The following ARHGAP44 variants were observed in gnomAD, a reference collection of about 807,000 sequenced individuals.
The protein encoded by ARHGAP44 is rho GTPase-activating protein 44.
Under a neutral mutation model 106.8 loss-of-function variants are expected in ARHGAP44, and 43 were observed. The ratio of observed to expected loss-of-function variants is 0.40; its 90% CI spans 0.32 to 0.52. ARHGAP44 has a LOEUF of 0.52. ARHGAP44 is among the 20% of genes least tolerant of loss of function. The probability of loss-of-function intolerance (pLI) is 0.48; values close to 1 mark genes in which losing one functional copy is unlikely to be tolerated. For missense variants in ARHGAP44, 866 were observed against 1,050.5 expected (o/e 0.82, Z 2.43); for synonymous variants, 439 against 410.3 (o/e 1.07, Z -0.85).
At chr17:12,822,734 C>T (rs1424644241) in intron 1 of ARHGAP44, among the ~76,000 whole-genome samples, 1 of 152,180 alleles carries the variant, frequency 6.6e-6, no homozygotes, top group Non-Finnish European at 1.5e-5. Context: ...CTCCTGGCTG[C>T]CCTCCTTGCC....
At chr17:12,982,208 C>T (rs1206455249) in intron 19 of ARHGAP44, among the ~76,000 whole-genome samples, 1 of 152,146 alleles carries the variant, frequency 6.6e-6, no homozygotes, top group African/African-American at 2.4e-5. Flanking sequence ...TGACTCAGGT[C>T]CCTTTCCCAA....
intron 1 of ARHGAP44, among the ~76,000 whole-genome samples, chr17:12,808,761 G>T (rs944597696): frequency 1.3e-5 from 2 of 152,144 alleles, no homozygotes; most frequent in African/African-American, 4.8e-5. Flanking sequence ...TTAAGATTTG[G>T]CTCCTCGTTA....
At chr17:12,826,197 G>A (rs1390290364) in intron 1 of ARHGAP44, among the ~76,000 whole-genome samples, 1 of 152,118 alleles carries the variant, frequency 6.6e-6, no homozygotes, top group Non-Finnish European at 1.5e-5. Context: ...CCCAGTACTC[G>A]TTAGGTATTT....
chr17:12,916,446 C>T (rs1305126562), intron 5 of ARHGAP44, among the ~76,000 whole-genome samples: 2 of 152,128 alleles, frequency 1.3e-5, no homozygotes, highest in Admixed American at 6.5e-5. Context: ...TGCAGTGGTA[C>T]GATCATGGTT....
intron 3 of ARHGAP44, among the ~76,000 whole-genome samples, chr17:12,905,281 A>G (rs2037514686): frequency 6.6e-6 from 1 of 152,146 alleles, no homozygotes; most frequent in African/African-American, 2.4e-5. Flanking sequence ...TAAAAAGCAT[A>G]TCCCTTAAGA....
In ARHGAP44 at chr17:12,985,295, A is replaced by G. The variant is rs559813318; in HGVS notation, c.2317+387A>G. The G allele has an allele frequency of 8.4e-4, 157 of 186,066 alleles. 1 individual carries two copies. The highest frequency in any genetic ancestry group is 3.4e-3 in the African/African-American group (148 of 42,960). 11.5% of individuals were successfully genotyped at this position (186,066 alleles called of 1,614,324 possible). The stretch of plus-strand genomic sequence containing the variant: ...CCTGGATAGAGCCCAAGCAACTGAC[A>G]GGTATAAATGCTTATCTGGAGAACA... On this transcript the variant is annotated intron_variant, in intron 20 of 20. Coordinates refer to ENST00000379672, the MANE Select transcript of ARHGAP44 (RefSeq NM_014859.6).
At chr17:12,913,798 T>G (rs1598044333) in intron 4 of ARHGAP44, among the ~76,000 whole-genome samples, 1 of 151,002 alleles carries the variant, frequency 6.6e-6, no homozygotes, top group Non-Finnish European at 1.5e-5. Context: ...TGAAACCCTG[T>G]CTCTACTAAA....
chr17:12,826,149 G>T (rs997201810), intron 1 of ARHGAP44, among the ~76,000 whole-genome samples: 10 of 152,110 alleles, frequency 6.6e-5, no homozygotes, highest in African/African-American at 2.4e-4. Flanking sequence ...GTGTCCTGGG[G>T]TGGTTTGTAC....
intron 1 of ARHGAP44, among the ~76,000 whole-genome samples, chr17:12,860,434 T>C (rs1567653857): frequency 6.6e-6 from 1 of 152,192 alleles, no homozygotes; most frequent in African/African-American, 2.4e-5. Flanking sequence ...TATTGGTGTT[T>C]CCTCTTTCTT....
chr17:12,987,213 C>A, intron 20 of ARHGAP44: 2 of 1,401,884 alleles, frequency 1.4e-6, no homozygotes, highest in Non-Finnish European at 1.9e-6. Flanking sequence ...CTGCCCGCTC[C>A]TCCCCTCCGC....
chr17:12,935,912 A>G (rs1381392304), intron 7 of ARHGAP44, among the ~76,000 whole-genome samples: 1 of 152,236 alleles, frequency 6.6e-6, no homozygotes, highest in African/African-American at 2.4e-5. Flanking sequence ...TCAGAAGAGC[A>G]TAGAAAAATA....
rs893932950 is a variant in ARHGAP44 at position 12,957,201 on chromosome 17, G to A, written c.1342+455G>A. Among the ~76,000 whole-genome samples, 8 of 152,230 alleles carry A rather than the reference G, an allele frequency of 5.3e-5. No homozygotes were observed. In the East Asian group the frequency reaches 1.5e-3, roughly 29 times the overall value. Reference sequence around the variant, plus strand: ...TTGAACTCCTGACCTCAGGTGATCTGCCTGCCTCATCCTCCCAAAGTGCTG... The same window carrying A: ...TTGAACTCCTGACCTCAGGTGATCTACCTGCCTCATCCTCCCAAAGTGCTG... On this transcript the variant is annotated intron_variant, in intron 15 of 20. Coordinates refer to ENST00000379672, the MANE Select transcript of ARHGAP44 (RefSeq NM_014859.6).
intron 1 of ARHGAP44, among the ~76,000 whole-genome samples, chr17:12,861,124 G>C (rs2036059680): frequency 6.6e-6 from 1 of 152,086 alleles, no homozygotes; most frequent in Admixed American, 6.5e-5. Flanking sequence ...CCAAAGTGTT[G>C]GGGTTACAGG....
intron 1 of ARHGAP44, among the ~76,000 whole-genome samples, chr17:12,874,148 T>G (rs1030339677): frequency 6.6e-6 from 1 of 152,086 alleles, no homozygotes; most frequent in South Asian, 2.1e-4. Context: ...CTCCTGCCAT[T>G]ATGTCAGCAT....
intron 1 of ARHGAP44, among the ~76,000 whole-genome samples, chr17:12,891,459 A>C (rs1422856911): frequency 6.6e-6 from 1 of 152,218 alleles, no homozygotes; most frequent in Non-Finnish European, 1.5e-5. Flanking sequence ...AGGAGAGAGC[A>C]AGAGGGAGCT....
intron 1 of ARHGAP44, among the ~76,000 whole-genome samples, chr17:12,796,898 C>T (rs936397307): frequency 1.3e-5 from 2 of 152,104 alleles, no homozygotes; most frequent in African/African-American, 2.4e-5. Flanking sequence ...AGCCACTGCG[C>T]CTGGCCTTGA....
At chr17:12,970,565 A>T (rs2039506392) in intron 16 of ARHGAP44, among the ~76,000 whole-genome samples, 1 of 152,158 alleles carries the variant, frequency 6.6e-6, no homozygotes, top group Admixed American at 6.5e-5. Flanking sequence ...CTATAAAGGG[A>T]TCTAAAAGCC....
chr17:12,892,083 C>G (rs1296808049), intron 1 of ARHGAP44, among the ~76,000 whole-genome samples: 1 of 152,232 alleles, frequency 6.6e-6, no homozygotes, highest in Non-Finnish European at 1.5e-5. Flanking sequence ...AGCCACTGTG[C>G]CCAGCCTTTG....
At chr17:12,793,181 G>T (rs1184950816) in intron 1 of ARHGAP44, among the ~76,000 whole-genome samples, 1 of 152,114 alleles carries the variant, frequency 6.6e-6, no homozygotes, top group Non-Finnish European at 1.5e-5. Context: ...GTGGTAATGT[G>T]GTAACCACAG....
Sources: allele counts gnomAD v4.1 joint callset (sites outside exome capture counted in the v4.1 genomes callset), GRCh38; gene constraint gnomAD v4.1.1; transcripts MANE v1.5; gene names NCBI Gene and HGNC (gene_info 2026-07-23, HGNC 2026-07-21).